Variants in TACR3 observed in about 807,000 individuals in gnomAD.
TACR3 encodes neuromedin-K receptor.
TACR3 carries 34 observed loss-of-function variants against 35.0 expected under a neutral mutation model. The ratio of observed to expected loss-of-function variants is 0.97; its 90% CI spans 0.74 to 1.30. The LOEUF is 1.30. Among genes scored for constraint, TACR3 ranks in the 50% most tolerant of loss-of-function variants. The pLI is 0.00. For synonymous variants in TACR3, 233 were observed against 221.1 expected (o/e 1.05, Z -0.48); for missense variants, 558 against 591.7 (o/e 0.94, Z 0.59).
chr4:103,705,186 A>C (rs982590967), intron 1 of TACR3, among the ~76,000 whole-genome samples: 6 of 152,164 alleles, frequency 3.9e-5, no homozygotes. Flanking sequence ...CCCTCCTAAG[A>C]GATTTTTACC....
At chr4:103,613,661 A>C (rs1434794997) in intron 3 of TACR3, among the ~76,000 whole-genome samples, 3 of 152,154 alleles carry the variant, frequency 2.0e-5, no homozygotes, top group African/African-American at 7.2e-5. Context: ...ATAAAATGAA[A>C]ATTGTCTTAG....
At chr4:103,629,629 T>G (rs1316607590) in intron 3 of TACR3, among the ~76,000 whole-genome samples, 4 of 151,772 alleles carry the variant, frequency 2.6e-5, no homozygotes, top group South Asian at 2.1e-4. Flanking sequence ...CACTGCTCAA[T>G]GAAATAAAAG....
chr4:103,593,193 T>G (rs1723930495), intron 3 of TACR3: 1 of 152,164 alleles, frequency 6.6e-6, no homozygotes, highest in Non-Finnish European at 1.5e-5. Flanking sequence ...TGTCTTTCAA[T>G]TGCGCATTAG....
intron 1 of TACR3, among the ~76,000 whole-genome samples, chr4:103,671,166 TTG>T (rs1444927439): frequency 6.6e-6 from 1 of 152,024 alleles, no homozygotes; most frequent in Non-Finnish European, 1.5e-5. Flanking sequence ...TTTTAATGTG[TTG>T]TTGAATTTGG....
At chr4:103,594,312 G>A (rs941606467) in intron 3 of TACR3, among the ~76,000 whole-genome samples, 4 of 151,874 alleles carry the variant, frequency 2.6e-5, no homozygotes, top group African/African-American at 9.7e-5. Flanking sequence ...CAAGTAGCTG[G>A]GATTACAGGA....
intron 3 of TACR3, among the ~76,000 whole-genome samples, chr4:103,608,781 T>C (rs1724444801): frequency 6.6e-6 from 1 of 152,080 alleles, no homozygotes; most frequent in Non-Finnish European, 1.5e-5. Flanking sequence ...TTCTTCATTG[T>C]AATAAAAAGG....
intron 3 of TACR3, among the ~76,000 whole-genome samples, chr4:103,642,367 A>G (rs1488604718): frequency 8.4e-6 from 1 of 118,862 alleles, no homozygotes; most frequent in Non-Finnish European, 1.6e-5. Context: ...AATAGAAAAA[A>G]TGTTGCTTTT....
chr4:103,708,963 A>T (rs551911567), intron 1 of TACR3, among the ~76,000 whole-genome samples: 2 of 152,348 alleles, frequency 1.3e-5, no homozygotes, highest in South Asian at 4.1e-4. Flanking sequence ...AGAAAAAAGA[A>T]TAAAAAGAAA....
chr4:103,612,035 C>T (rs368085362), intron 3 of TACR3, among the ~76,000 whole-genome samples: 3 of 152,168 alleles, frequency 2.0e-5, no homozygotes, highest in Non-Finnish European at 4.4e-5. Flanking sequence ...ATAGCAGATA[C>T]AGTAACTTTT....
chr4:103,635,802 T>C (rs1236080525), intron 3 of TACR3, among the ~76,000 whole-genome samples: 1 of 151,976 alleles, frequency 6.6e-6, no homozygotes. Context: ...TATGAATAAG[T>C]TAATGAGCCT....
At position 103,702,350 on chromosome 4, in the gene TACR3, G is replaced by C. The variant is rs1175779985; in HGVS notation, c.548+16778C>G. ...GAAATGCAAATCAAAACCACAATGA[G>C]ATACCATCTCACACCAGTTAGAATG... On this transcript the variant is annotated intron_variant, in intron 1 of 4. Coordinates refer to ENST00000304883, the MANE Select transcript of TACR3 (RefSeq NM_001059.3). Among the ~76,000 whole-genome samples, 8 of 152,254 alleles carry C rather than the reference G, an allele frequency of 5.3e-5. No homozygotes were observed. In the South Asian group the frequency reaches 8.3e-4, roughly 16 times the overall value.
chr4:103,650,744 TAA>T (rs1491553214), intron 3 of TACR3, among the ~76,000 whole-genome samples: 6 of 88,054 alleles, frequency 6.8e-5, no homozygotes, highest in African/African-American at 2.9e-4. Context: ...ATATCATATA[TAA>T]TATATATATT....
At chr4:103,655,025 G>A (rs1234337209) in intron 3 of TACR3, among the ~76,000 whole-genome samples, 2 of 152,028 alleles carry the variant, frequency 1.3e-5, no homozygotes, top group African/African-American at 4.8e-5. Flanking sequence ...CTTTTTGAAA[G>A]AAAAATAAAA....
At chr4:103,695,535 T>C (rs982585192) in intron 1 of TACR3, among the ~76,000 whole-genome samples, 1 of 152,214 alleles carries the variant, frequency 6.6e-6, no homozygotes, top group Non-Finnish European at 1.5e-5. Flanking sequence ...ATATAATACA[T>C]ATAACATACA....
At chr4:103,686,152 G>T (rs1203625068) in intron 1 of TACR3, among the ~76,000 whole-genome samples, 1 of 152,202 alleles carries the variant, frequency 6.6e-6, no homozygotes, top group Non-Finnish European at 1.5e-5. Flanking sequence ...AATCCCTGCT[G>T]ATCTGCAAGG....
intron 3 of TACR3, among the ~76,000 whole-genome samples, chr4:103,618,542 A>G (rs1240232424): frequency 9.0e-6 from 1 of 110,876 alleles, no homozygotes; most frequent in East Asian, 3.1e-4. Flanking sequence ...CTTTTTGCTT[A>G]GGATTGCTTT....
chr4:103,610,036 G>T (rs1724477714), intron 3 of TACR3, among the ~76,000 whole-genome samples: 1 of 151,986 alleles, frequency 6.6e-6, no homozygotes, highest in Non-Finnish European at 1.5e-5. Context: ...CACTTAGGTT[G>T]ATTCCACTTC....
chr4:103,707,580 C>G (rs985208046), intron 1 of TACR3, among the ~76,000 whole-genome samples: 1 of 152,110 alleles, frequency 6.6e-6, no homozygotes, highest in Non-Finnish European at 1.5e-5. Flanking sequence ...GTGAGCGACG[C>G]AGAAGATGGG....
chr4:103,708,686 C>T (rs12642927), intron 1 of TACR3, among the ~76,000 whole-genome samples: 17,785 of 152,180 alleles, frequency 0.12, 1,365 homozygotes, highest in East Asian at 0.37. Flanking sequence ...GAGAAGAAGC[C>T]TTCAGATGAT....
Sources: allele counts gnomAD v4.1 joint callset (sites outside exome capture counted in the v4.1 genomes callset), GRCh38; gene constraint gnomAD v4.1.1; transcripts MANE v1.5; gene names NCBI Gene and HGNC (gene_info 2026-07-23, HGNC 2026-07-21).